The following ROBO1 variants were observed in gnomAD, a reference collection of about 807,000 sequenced individuals.
ROBO1 encodes the protein roundabout guidance receptor 1.
A neutral mutation model predicts 195.9 loss-of-function variants in ROBO1; 149 were observed. The ratio of observed to expected loss-of-function variants is 0.76; its 90% CI spans 0.67 to 0.87. ROBO1 has a LOEUF of 0.87. Among genes scored for constraint, ROBO1 ranks in the 40% least tolerant of loss-of-function variants. The pLI is 0.00. For missense variants in ROBO1, 1,933 were observed against 2,068.3 expected (o/e 0.93, Z 1.27); for synonymous variants, 816 against 733.2 (o/e 1.11, Z -1.82).
At chr3:79,716,726 C>T (rs9832375) in intron 1 of ROBO1, among the ~76,000 whole-genome samples, 44,208 of 151,600 alleles carry the variant, frequency 0.29, 7,469 homozygotes, top group African/African-American at 0.47. Flanking sequence ...AAATGGAAGA[C>T]GGCAGGTGAA....
intron 1 of ROBO1, among the ~76,000 whole-genome samples, chr3:79,644,132 A>T (rs751737955): frequency 2.0e-5 from 3 of 152,174 alleles, no homozygotes; most frequent in Non-Finnish European, 2.9e-5. Context: ...ATCATGATAA[A>T]CAGGTCAATT....
At position 79,588,446 on chromosome 3, in the gene ROBO1, C is replaced by T. The variant is rs748169176; in HGVS notation, c.88+1378G>A. Among the ~76,000 whole-genome samples, 8 of 151,558 alleles carry T rather than the reference C, an allele frequency of 5.3e-5. 1 individual carries two copies. Among genetic ancestry groups the T allele is most frequent in the Admixed American group, 3.3e-4 (5 of 15,152 alleles). ...CTGTATCATGGACTAAATTTGTTGA[C>T]CTGTAGGAGTTATTAGCTGGCCATA... On this transcript the variant is annotated intron_variant, in intron 2 of 30. Transcript: ENST00000464233.
chr3:79,057,462 A>T (rs553256639), intron 3 of ROBO1, among the ~76,000 whole-genome samples: 2 of 152,174 alleles, frequency 1.3e-5, no homozygotes, highest in Non-Finnish European at 2.9e-5. Context: ...GACATGGTGA[A>T]ATCTGTGCCA....
At chr3:78,946,190 C>T (rs1038263463) in intron 3 of ROBO1, among the ~76,000 whole-genome samples, 1 of 151,924 alleles carries the variant, frequency 6.6e-6, no homozygotes, top group Non-Finnish European at 1.5e-5. Flanking sequence ...AGATACTCCT[C>T]GAGAAGGGCA....
intron 4 of ROBO1, among the ~76,000 whole-genome samples, chr3:78,852,687 C>T (rs1207150904): frequency 6.6e-6 from 1 of 152,074 alleles, no homozygotes; most frequent in Non-Finnish European, 1.5e-5. Flanking sequence ...CTTTGGGTAA[C>T]AGGCTAAGGA....
intron 25 of ROBO1, among the ~76,000 whole-genome samples, chr3:78,630,108 T>G (rs1000084748): frequency 6.6e-6 from 1 of 152,178 alleles, no homozygotes; most frequent in Admixed American, 6.5e-5. Context: ...CATGGCTTAT[T>G]GGGTTCCATG....
intron 3 of ROBO1, among the ~76,000 whole-genome samples, chr3:79,043,748 C>T (rs960961959): frequency 6.6e-6 from 1 of 152,012 alleles, no homozygotes; most frequent in Non-Finnish European, 1.5e-5. Flanking sequence ...CAGCAACCAC[C>T]TACAGCTAAA....
intron 4 of ROBO1, among the ~76,000 whole-genome samples, chr3:78,854,768 A>C (rs530521714): frequency 5.1e-4 from 77 of 152,266 alleles, no homozygotes; most frequent in African/African-American, 1.8e-3. Context: ...ATACAATTTT[A>C]ATATAGAAAT....
intron 3 of ROBO1, among the ~76,000 whole-genome samples, chr3:79,075,245 A>G (rs2108446855): frequency 6.6e-6 from 1 of 152,038 alleles, no homozygotes; most frequent in Middle Eastern, 3.4e-3. Flanking sequence ...TGAACTGAAA[A>G]CGTGCCAAGG....
chr3:78,744,468 C>T (rs1371974443), intron 5 of ROBO1, among the ~76,000 whole-genome samples: 2 of 152,190 alleles, frequency 1.3e-5, no homozygotes, highest in Non-Finnish European at 2.9e-5. Flanking sequence ...AAACTATCTA[C>T]AACACCTGTA....
At chr3:79,627,906 T>C (rs923432395) in intron 1 of ROBO1, among the ~76,000 whole-genome samples, 7 of 152,136 alleles carry the variant, frequency 4.6e-5, no homozygotes, top group Non-Finnish European at 1.0e-4. Flanking sequence ...TTCAACATCA[T>C]TGATCATCAG....
intron 2 of ROBO1, among the ~76,000 whole-genome samples, chr3:79,414,230 C>T (rs1386898793): frequency 6.6e-6 from 1 of 151,384 alleles, no homozygotes; most frequent in Non-Finnish European, 1.5e-5. Context: ...TCCTCTTTCT[C>T]TTTCTCTTTC....
At chr3:79,305,286 A>G (rs894942958) in intron 2 of ROBO1, among the ~76,000 whole-genome samples, 9 of 152,166 alleles carry the variant, frequency 5.9e-5, no homozygotes, top group African/African-American at 2.2e-4. Context: ...CAGGAGTTCA[A>G]GAACAGACTG....
chr3:79,740,806 A>G (rs1016661368), intron 1 of ROBO1, among the ~76,000 whole-genome samples: 1 of 152,230 alleles, frequency 6.6e-6, no homozygotes, highest in Non-Finnish European at 1.5e-5. Flanking sequence ...TCTGCACAAC[A>G]GTTAAAATTA....
chr3:79,327,111 AC>A (rs1300496215), intron 2 of ROBO1, among the ~76,000 whole-genome samples: 1 of 152,164 alleles, frequency 6.6e-6, no homozygotes, highest in Non-Finnish European at 1.5e-5. Context: ...ACACAAAAAA[AC>A]AAATAGGAAG....
intron 4 of ROBO1, among the ~76,000 whole-genome samples, chr3:78,854,203 A>G (rs1214311608): frequency 6.6e-6 from 1 of 150,848 alleles, no homozygotes; most frequent in African/African-American, 2.4e-5. Flanking sequence ...ACAGTCACAC[A>G]ATTATGTGAG....
chr3:79,686,023 C>A (rs1340232004), intron 1 of ROBO1, among the ~76,000 whole-genome samples: 1 of 152,166 alleles, frequency 6.6e-6, no homozygotes, highest in African/African-American at 2.4e-5. Context: ...GCTTATCCAC[C>A]ATGATCAAGT....
chr3:78,969,421 G>T (rs1312480349), intron 3 of ROBO1, among the ~76,000 whole-genome samples: 1 of 152,124 alleles, frequency 6.6e-6, no homozygotes, highest in African/African-American at 2.4e-5. Flanking sequence ...TCACATATTA[G>T]TTACATTGCT....
intron 3 of ROBO1, among the ~76,000 whole-genome samples, chr3:78,961,393 T>C (rs2041339830): frequency 6.6e-6 from 1 of 152,206 alleles, no homozygotes; most frequent in South Asian, 2.1e-4. Flanking sequence ...GCTGCACTGA[T>C]GTGTTTAAGA....
Sources: gnomAD v4.1 joint callset for allele counts (sites outside exome capture counted in the v4.1 genomes callset) on GRCh38, gnomAD v4.1.1 for gene constraint, MANE v1.5 for transcripts, NCBI Gene and HGNC (gene_info 2026-07-23, HGNC 2026-07-21) for gene names.